Variants in HIF3A observed in about 807,000 individuals in gnomAD.
HIF3A encodes hypoxia inducible factor 3 subunit alpha, also known as hypoxia-inducible factor 3-alpha.
HIF3A carries 41 observed loss-of-function variants against 67.2 expected under a neutral mutation model. The observed-to-expected ratio is 0.61, with a 90% CI of 0.48 to 0.79. The LOEUF (loss-of-function observed/expected upper bound fraction) is 0.79, where lower values mean the gene tolerates loss of function less well. HIF3A is among the 30% of genes least tolerant of loss of function. The pLI, the probability that HIF3A is intolerant of heterozygous loss-of-function variation, is 0.00. For synonymous variants in HIF3A, 356 were observed against 374.8 expected, an observed-to-expected ratio of 0.95 and a Z score of 0.58; for missense variants, 855 against 898.0, an observed-to-expected ratio of 0.95 and a Z score of 0.61.
intron 8 of HIF3A, among the ~76,000 whole-genome samples, chr19:46,315,356 C>T (rs1251119166): frequency 2.0e-5 from 3 of 146,824 alleles, no homozygotes; most frequent in South Asian, 2.2e-4. Flanking sequence ...CGTGAGCCAC[C>T]GCGCCCAGCC....
chr19:46,336,633 C>T (rs918430425), intron 14 of HIF3A, among the ~76,000 whole-genome samples: 1 of 152,106 alleles, frequency 6.6e-6, no homozygotes, highest in African/African-American at 2.4e-5. Flanking sequence ...GCGATCCACT[C>T]ATCTCAGTTT....
chr19:46,315,525 T>TA (rs35453222), intron 8 of HIF3A, among the ~76,000 whole-genome samples: 2,588 of 151,482 alleles, frequency 0.017, 37 homozygotes, highest in Middle Eastern at 0.031. Flanking sequence ...AACATTCTCA[T>TA]ACAAGATTTT....
Position 46,303,937 on chromosome 19 carries a change from G to A in HIF3A, c.66G>A (p.Ala22=). ...TGCGCAAGGAAAAGTCCCGGGATGCGGCCCGCAGCCGGCGCAGCCAGGAGA... is the reference window on the plus strand; with the variant it reads ...TGCGCAAGGAAAAGTCCCGGGATGCAGCCCGCAGCCGGCGCAGCCAGGAGA... The part of the protein sequence containing the change: ...TELRKEKSRD[A]ARSRRSQETE... Residue 22 remains alanine (A), a synonymous_variant, in exon 2 of 15, where the codon GCG becomes GCA. Coordinates refer to ENST00000377670, the MANE Select transcript of HIF3A (RefSeq NM_152795.4). The A allele has an allele frequency of 6.2e-7, 1 of 1,608,508 alleles. No homozygotes were observed. Among genetic ancestry groups the A allele is most frequent in the Non-Finnish European group, 8.5e-7 (1 of 1,178,016 alleles).
In HIF3A at chr19:46,329,225, T is replaced by C. The variant is rs1337180816; in HGVS notation, c.1459T>C (p.Leu487=). The C allele has an allele frequency of 6.2e-7, 1 of 1,609,212 alleles. No homozygotes were observed. The highest frequency in any genetic ancestry group is 2.2e-5 in the East Asian group (1 of 44,772). Reference sequence around the variant, plus strand: ...TCCGCAGGATGCTGATGCTCTGGATTTGGAGATGCTGGCCCCCTACATCTC... The same window carrying C: ...TCCGCAGGATGCTGATGCTCTGGATCTGGAGATGCTGGCCCCCTACATCTC... ...DIAQDADALD[L]EMLAPYISMD... The change falls in exon 12 of 15, where the codon TTG becomes CTG. Residue 487 remains leucine (L), a synonymous_variant. Transcript: ENST00000377670.
rs1971017834 is a variant in HIF3A, at chr19:46,329,376, C to T, written c.1610C>T (p.Pro537Leu). 2 of 1,612,344 alleles carry T rather than the reference C, an allele frequency of 1.2e-6. No homozygotes were observed. The highest frequency in any genetic ancestry group is 8.5e-7 in the Non-Finnish European group (1 of 1,179,390). ...FHGLSPPALE[P>L]SLLPRWGSDP... ...GGCCTGTCACCTCCAGCCCTTGAGCCCTCCCTGCTACCCCGCTGGGGGAGT... is the reference window on the plus strand; with the variant it reads ...GGCCTGTCACCTCCAGCCCTTGAGCTCTCCCTGCTACCCCGCTGGGGGAGT... The change falls in exon 12 of 15, where the codon CCC (proline) becomes CTC (leucine). Residue 537 changes from proline (P) to leucine (L), a missense_variant. By Grantham distance (98) the Pro-to-Leu change is moderately conservative. This residue lies in a region of HIF3A where 199 missense variants were observed against 193.8 expected (regional missense o/e 1.03). Transcript: ENST00000377670.
At chr19:46,312,095 C>G (rs1235855698) in intron 6 of HIF3A, 66 bp from the exon 7 acceptor site, 10 of 1,145,156 alleles carry the variant, frequency 8.7e-6, no homozygotes, top group Non-Finnish European at 4.0e-6. Flanking sequence ...GCTGCTACTT[C>G]CCTCTGCCTA....
chr19:46,305,400 G>T lies in HIF3A; in HGVS notation c.363+10G>T. The T allele has an allele frequency of 6.2e-7, 1 of 1,613,244 alleles. No homozygotes were observed. Reference sequence around the variant, plus strand: ...CCTGGGCCTCAGTCAGGTGAGAGGAGCTCCTTGCTCTGTGCCTGGCCCTGT... The same window carrying T: ...CCTGGGCCTCAGTCAGGTGAGAGGATCTCCTTGCTCTGTGCCTGGCCCTGT... On this transcript the variant is annotated intron_variant, in intron 3 of 14. Transcript: ENST00000377670.
At chr19:46,333,390 C>T (rs190280030) in intron 13 of HIF3A, among the ~76,000 whole-genome samples, 20 of 152,184 alleles carry the variant, frequency 1.3e-4, no homozygotes, top group Non-Finnish European at 2.5e-4. Flanking sequence ...AGGTGCAGGG[C>T]GGGGTGGTCA....
rs1290170084 is a variant in HIF3A at position 46,325,635 on chromosome 19, C to A, written c.1436C>A (p.Ala479Asp). The change falls in exon 11 of 15, where the codon GCT (alanine) becomes GAT (aspartate). Residue 479 changes from alanine to aspartate, a missense_variant. Coordinates refer to ENST00000377670, the MANE Select transcript of HIF3A (RefSeq NM_152795.4). ...GCAGTGGAGACAGATTTAGATATAG[C>A]TCAGGTAAGGGCTGGCATGGAAGGG... ...TEAVETDLDIAQDADALDLEM... is the reference protein window; with the variant it reads ...TEAVETDLDIDQDADALDLEM... 1.2e-6 allele frequency: 2 copies of A among 1,603,832 alleles called. No individual in the cohort carries two copies. The highest frequency in any genetic ancestry group is 4.5e-5 in the East Asian group (2 of 44,810).
chr19:46,297,660 T>TA lies in HIF3A; in HGVS notation c.26+561dup, dbSNP rs146359603. 0.012 allele frequency among the ~76,000 whole-genome samples: 1,799 copies of TA among 152,186 alleles called. 43 individuals carry two copies. The highest frequency in any genetic ancestry group is 0.041 in the African/African-American group (1,691 of 41,522). The stretch of plus-strand genomic sequence containing the variant: ...TAGTATGCTTCCTGACACAGTCTCC[T>TA]AAACATTGGGTTTCCCTAGAAATGG... On this transcript the variant is annotated intron_variant, in intron 1 of 14. Transcript: ENST00000377670. This position sits in a 1 kb window ranked among gnomAD's most constrained non-coding sequence, Gnocchi z 4.5.
At chr19:46,316,058 C>T (rs1392506236) in intron 8 of HIF3A, among the ~76,000 whole-genome samples, 1 of 152,056 alleles carries the variant, frequency 6.6e-6, no homozygotes, top group African/African-American at 2.4e-5. Context: ...TGGTGAAACT[C>T]CATCTCTACT....
At chr19:46,301,450 A>T (rs7252284) in intron 1 of HIF3A, among the ~76,000 whole-genome samples, 1 of 152,080 alleles carries the variant, frequency 6.6e-6, no homozygotes, top group African/African-American at 2.4e-5. Context: ...ATCCCAGCTC[A>T]GCCAGTTGTT....
At chr19:46,308,371 C>T in intron 4 of HIF3A, 66 bp downstream of exon 4, 1 of 949,970 alleles carries the variant, frequency 1.1e-6, no homozygotes, top group Non-Finnish European at 1.7e-6. Flanking sequence ...ACCCCTCCCT[C>T]AGCATATCCC....
chr19:46,323,950 G>C (rs930590517), intron 10 of HIF3A, among the ~76,000 whole-genome samples: 1 of 152,134 alleles, frequency 6.6e-6, no homozygotes, highest in African/African-American at 2.4e-5. Flanking sequence ...TATAGTTCAA[G>C]ATGAGATTTG....
chr19:46,299,538 C>A (rs1968146527), intron 1 of HIF3A, among the ~76,000 whole-genome samples: 1 of 151,878 alleles, frequency 6.6e-6, no homozygotes, highest in African/African-American at 2.4e-5. Flanking sequence ...ATGGCAAAAT[C>A]TCATCTATAC....
At chr19:46,335,856 T>A (rs565307831) in intron 14 of HIF3A, among the ~76,000 whole-genome samples, 15 of 152,028 alleles carry the variant, frequency 9.9e-5, no homozygotes, top group African/African-American at 3.1e-4. Flanking sequence ...CTGGGAAACA[T>A]GGCAAAACCC....
chr19:46,319,850 G>T (rs980088458), intron 8 of HIF3A, among the ~76,000 whole-genome samples: 1 of 152,082 alleles, frequency 6.6e-6, no homozygotes, highest in African/African-American at 2.4e-5. Context: ...CTCTGCCCAG[G>T]CTGTGCTAAA....
intron 8 of HIF3A, among the ~76,000 whole-genome samples, chr19:46,317,972 A>T (rs1601288844): frequency 2.0e-5 from 3 of 151,928 alleles, no homozygotes; most frequent in Admixed American, 2.0e-4. Context: ...CCAAGTAGGG[A>T]TTACAAGCAC....
chr19:46,317,835 CT>C lies in HIF3A; in HGVS notation c.1026-2598del, dbSNP rs925593917. The stretch of plus-strand genomic sequence containing the variant: ...TTTTCTCTGTAGTACTTACCACTAT[CT>C]TTTTTTTTTCTTCTTTTTTTGAGAC... On this transcript the variant is annotated intron_variant, in intron 8 of 14. Coordinates refer to ENST00000377670, the MANE Select transcript of HIF3A (RefSeq NM_152795.4). Among the ~76,000 whole-genome samples the C allele has an allele frequency of 1.4e-3, 208 of 150,468 alleles. 1 individual carries two copies. Among genetic ancestry groups the C allele is most frequent in the African/African-American group, 4.8e-3 (196 of 41,058 alleles).
Sources: allele counts gnomAD v4.1 joint callset (sites outside exome capture counted in the v4.1 genomes callset), GRCh38; gene constraint gnomAD v4.1.1; regional missense constraint gnomAD v4.1.1; non-coding constraint Gnocchi (gnomAD v3.1); transcripts MANE v1.5; gene names NCBI Gene and HGNC (gene_info 2026-07-23, HGNC 2026-07-21).